Variants in LPAR1 observed in about 807,000 individuals in gnomAD.
The protein encoded by LPAR1 is LPA receptor 1.
LPAR1 carries 5 observed loss-of-function variants against 23.8 expected under a neutral mutation model. The observed-to-expected ratio is 0.21, with a 90% CI of 0.11 to 0.44. The LOEUF (loss-of-function observed/expected upper bound fraction) is 0.44, where lower values mean the gene tolerates loss of function less well. Ranked by LOEUF, LPAR1 falls within the 20% of genes least tolerant of loss-of-function variation. LPAR1 has a pLI of 0.99. For missense variants in LPAR1, 311 were observed against 482.8 expected (o/e 0.64, Z 3.33); for synonymous variants, 160 against 164.7 (o/e 0.97, Z 0.22).
intron 4 of LPAR1, among the ~76,000 whole-genome samples, chr9:110,962,364 G>A (rs570661025): frequency 1.8e-4 from 28 of 152,210 alleles, no homozygotes; most frequent in Non-Finnish European, 3.8e-4. Context: ...CCACAATTAA[G>A]GTAATACTAA....
At chr9:110,907,379 A>G (rs2091499087) in intron 5 of LPAR1, among the ~76,000 whole-genome samples, 1 of 152,152 alleles carries the variant, frequency 6.6e-6, no homozygotes, top group Non-Finnish European at 1.5e-5. Flanking sequence ...TTGGTCTTTA[A>G]TGGAACAGAC....
intron 5 of LPAR1, among the ~76,000 whole-genome samples, chr9:110,876,143 T>G (rs1463691931): frequency 6.6e-6 from 1 of 152,180 alleles, no homozygotes; most frequent in African/African-American, 2.4e-5. Context: ...GTTTCTGGAT[T>G]CAGGTTGTCT....
intron 2 of LPAR1, among the ~76,000 whole-genome samples, chr9:110,988,866 A>C (rs2139496374): frequency 6.6e-6 from 1 of 152,322 alleles, no homozygotes; most frequent in East Asian, 1.9e-4. Flanking sequence ...GAATCATCAA[A>C]AAGTAGAAAT....
intron 4 of LPAR1, among the ~76,000 whole-genome samples, chr9:110,954,255 C>T (rs1037649953): frequency 6.6e-6 from 1 of 151,982 alleles, no homozygotes; most frequent in Non-Finnish European, 1.5e-5. Context: ...TTTGACATAA[C>T]CCAGGCAGAC....
At chr9:110,978,007 G>A (rs565437778) in intron 2 of LPAR1, among the ~76,000 whole-genome samples, 1 of 152,186 alleles carries the variant, frequency 6.6e-6, no homozygotes, top group Admixed American at 6.5e-5. Context: ...AAATCCACCA[G>A]GCAAATAGAA....
chr9:110,997,258 C>G (rs1406096867), intron 2 of LPAR1, among the ~76,000 whole-genome samples: 1 of 152,044 alleles, frequency 6.6e-6, no homozygotes, highest in African/African-American at 2.4e-5. Context: ...CCATCTACTT[C>G]CAAATAAGTT....
At chr9:110,991,122 A>C (rs566227292) in intron 2 of LPAR1, among the ~76,000 whole-genome samples, 5 of 152,338 alleles carry the variant, frequency 3.3e-5, no homozygotes, top group Non-Finnish European at 7.3e-5. Context: ...AGAACCATAA[A>C]ACTTCTAGAG....
intron 5 of LPAR1, among the ~76,000 whole-genome samples, chr9:110,882,834 T>TG (rs1188049926): frequency 1.3e-5 from 2 of 152,202 alleles, no homozygotes; most frequent in Non-Finnish European, 2.9e-5. Context: ...GGTCATTAGA[T>TG]GATTGCCGTA....
intron 2 of LPAR1, among the ~76,000 whole-genome samples, chr9:110,977,872 GA>G (rs2096591015): frequency 2.1e-5 from 3 of 145,350 alleles, no homozygotes; most frequent in Admixed American, 6.9e-5. Context: ...AGGAAGGAAG[GA>G]AGGAAGGAAG....
rs150008794 is a variant in LPAR1 at position 110,924,715 on chromosome 9, T to C, written c.793+16706A>G. 4.0e-3 allele frequency among the ~76,000 whole-genome samples: 612 copies of C among 152,086 alleles called. 4 individuals are homozygous for C. Among genetic ancestry groups the C allele is most frequent in the Non-Finnish European group, 6.0e-3 (411 of 67,992 alleles). On this transcript the variant is annotated intron_variant, in intron 5 of 5. Transcript: ENST00000683809. ...GTGATGTGATTAAAATAAGATTCAG[T>C]ACTTAACAAGGTAAATGCAGTCTAA... is the stretch of plus-strand genomic sequence containing the variant.
At chr9:110,922,293 G>A (rs978480686) in intron 5 of LPAR1, among the ~76,000 whole-genome samples, 25 of 152,050 alleles carry the variant, frequency 1.6e-4, no homozygotes, top group African/African-American at 6.0e-4. Flanking sequence ...TGAACTACGA[G>A]CATAAAGTAG....
chr9:111,022,910 G>A (rs768056721), intron 2 of LPAR1, among the ~76,000 whole-genome samples: 5 of 151,852 alleles, frequency 3.3e-5, no homozygotes, highest in African/African-American at 4.8e-5. Context: ...AAAATTAGCC[G>A]GGCATGGTGG....
At chr9:110,907,712 T>C (rs902501356) in intron 5 of LPAR1, among the ~76,000 whole-genome samples, 1 of 152,218 alleles carries the variant, frequency 6.6e-6, no homozygotes, top group Admixed American at 6.5e-5. Flanking sequence ...TTTCCCAATA[T>C]ATCTGTACTA....
chr9:110,988,042 C>T (rs1230930504), intron 2 of LPAR1, among the ~76,000 whole-genome samples: 1 of 151,776 alleles, frequency 6.6e-6, no homozygotes, highest in Admixed American at 6.6e-5. Flanking sequence ...GATTTCTCAT[C>T]AGAAACAATC....
rs575516201 is a variant in LPAR1, at chr9:110,886,277, T to C, written c.794-10555A>G. Among the ~76,000 whole-genome samples, 10 of 149,284 alleles carry C rather than the reference T, an allele frequency of 6.7e-5. No homozygotes were observed. The South Asian group carries it at 2.1e-3, about 31-fold the overall frequency. On this transcript the variant is annotated intron_variant, in intron 5 of 5. Transcript: ENST00000683809. ...CACTCAGGAGGCTGAGGCAGAAGAA[T>C]CACTTGAACCCGGGAGACAGAGGTT...
intron 5 of LPAR1, among the ~76,000 whole-genome samples, chr9:110,932,731 G>T (rs536802601): frequency 2.0e-5 from 3 of 152,388 alleles, no homozygotes; most frequent in African/African-American, 4.8e-5. Context: ...GTGATCTGCA[G>T]ATGTGAGGGA....
At position 111,001,000 on chromosome 9, in the gene LPAR1, G is replaced by A. The variant is rs1383258322; in HGVS notation, c.-181-27442C>T. Among the ~76,000 whole-genome samples, 3 of 152,056 alleles carry A rather than the reference G, an allele frequency of 2.0e-5. No homozygotes were observed. The South Asian group carries it at 6.2e-4, about 32-fold the overall frequency. On this transcript the variant is annotated intron_variant, in intron 2 of 5. Transcript: ENST00000683809. Reference sequence around the variant, plus strand: ...CTTTTGTTCACTGCATGTTTCCTATGTTTTAATATGCTAAAATCAAACACA... The same window carrying A: ...CTTTTGTTCACTGCATGTTTCCTATATTTTAATATGCTAAAATCAAACACA...
intron 2 of LPAR1, among the ~76,000 whole-genome samples, chr9:111,027,749 C>T (rs752117036): frequency 3.0e-4 from 45 of 151,704 alleles, no homozygotes; most frequent in Non-Finnish European, 3.7e-4. Flanking sequence ...TAGGAAAGAA[C>T]ATCCTAGGCA....
chr9:111,033,044 C>T (rs1343286080), intron 2 of LPAR1, among the ~76,000 whole-genome samples: 1 of 152,068 alleles, frequency 6.6e-6, no homozygotes, highest in Non-Finnish European at 1.5e-5. Context: ...AAGGGTCTGC[C>T]CTGTCATTAT....
Sources: allele counts gnomAD v4.1 joint callset (sites outside exome capture counted in the v4.1 genomes callset), GRCh38; gene constraint gnomAD v4.1.1; transcripts MANE v1.5; gene names NCBI Gene and HGNC (gene_info 2026-07-23, HGNC 2026-07-21).